SGSM1: variants seen among roughly 807,000 people sequenced by gnomAD.
SGSM1 encodes small G protein signaling modulator 1.
A neutral mutation model predicts 133.8 loss-of-function variants in SGSM1; 73 were observed. That is an observed-to-expected ratio of 0.55 (90% CI 0.45 to 0.66). The LOEUF is 0.66. Ranked by LOEUF, SGSM1 falls within the 30% of genes least tolerant of loss-of-function variation. The pLI is 0.00. For synonymous variants in SGSM1, 563 were observed against 573.0 expected, an observed-to-expected ratio of 0.98 and a Z score of 0.25; for missense variants, 1,213 against 1,448.1, an observed-to-expected ratio of 0.84 and a Z score of 2.64.
chr22:24,892,304 CCT>C (rs1932828375), intron 16 of SGSM1, among the ~76,000 whole-genome samples: 1 of 152,044 alleles, frequency 6.6e-6, no homozygotes, highest in East Asian at 1.9e-4. Flanking sequence ...GGCTCCCCAC[CCT>C]CTCTTTTCCC....
At chr22:24,837,889 T>A (rs1929558643) in intron 2 of SGSM1, among the ~76,000 whole-genome samples, 1 of 152,252 alleles carries the variant, frequency 6.6e-6, no homozygotes, top group African/African-American at 2.4e-5. Context: ...TAATGATTAA[T>A]GATATTCATA....
intron 22 of SGSM1, among the ~76,000 whole-genome samples, chr22:24,917,442 G>A (rs1413039680): frequency 6.6e-6 from 1 of 152,156 alleles, no homozygotes; most frequent in Non-Finnish European, 1.5e-5. Context: ...TTTTCCTAAG[G>A]ATTAAGGATG....
At chr22:24,841,097 G>T (rs374743896) in intron 2 of SGSM1, among the ~76,000 whole-genome samples, 179 of 152,242 alleles carry the variant, frequency 1.2e-3, no homozygotes, top group African/African-American at 3.9e-3. Context: ...TGATCCGCCC[G>T]CCTTGGCCTC....
rs562511731 is a variant in SGSM1, at chr22:24,852,415, C to T, written c.455+1983C>T. Among the ~76,000 whole-genome samples the T allele has an allele frequency of 2.2e-4, 33 of 152,198 alleles. No homozygotes were observed. The South Asian group carries it at 2.7e-3, about 12-fold the overall frequency. On this transcript the variant is annotated intron_variant, in intron 5 of 24. Coordinates refer to ENST00000400358, the MANE Select transcript of SGSM1 (RefSeq NM_001098497.3). The stretch of plus-strand genomic sequence containing the variant: ...CTTCAGCTACTTCTTACAGTCACAC[C>T]TCGGTTCCAACTCTACCTGCTAATT...
chr22:24,835,989 CTT>C (rs1929404851), intron 2 of SGSM1, among the ~76,000 whole-genome samples: 1 of 152,032 alleles, frequency 6.6e-6, no homozygotes, highest in South Asian at 2.1e-4. Context: ...TAAAATGTGC[CTT>C]CTTAACCATT....
intron 14 of SGSM1, 114 bp downstream of exon 14, chr22:24,879,640 T>G: frequency 5.2e-6 from 5 of 952,500 alleles, no homozygotes; most frequent in South Asian, 1.6e-5. Flanking sequence ...TCCTCCTCTA[T>G]TCCCTAGATG....
At position 24,917,308 on chromosome 22, in the gene SGSM1, A is replaced by G. The variant is rs555588406; in HGVS notation, c.2929-350A>G. Among the ~76,000 whole-genome samples, 4 of 152,284 alleles carry G rather than the reference A, an allele frequency of 2.6e-5. No individual in the cohort carries two copies. The East Asian group carries it at 7.7e-4, about 29-fold the overall frequency. ...ACAGCACACACCATTTTACATTCTC[A>G]GGAGCAGTGTATGGGGGTTCCAGTT... is the stretch of plus-strand genomic sequence containing the variant. On this transcript the variant is annotated intron_variant, in intron 22 of 24. Coordinates refer to ENST00000400358, the MANE Select transcript of SGSM1 (RefSeq NM_001098497.3).
intron 19 of SGSM1, among the ~76,000 whole-genome samples, chr22:24,900,944 CT>C (rs1237242770): frequency 5.3e-5 from 8 of 152,174 alleles, no homozygotes; most frequent in African/African-American, 1.9e-4. Flanking sequence ...TCTTCTGCTT[CT>C]TTCTAGTGCC....
Position 24,886,743 on chromosome 22 carries a change from A to G in SGSM1, c.1770+15A>G, listed in dbSNP as rs1332946482. On this transcript the variant is annotated intron_variant, in intron 16 of 24. Coordinates refer to ENST00000400358, the MANE Select transcript of SGSM1 (RefSeq NM_001098497.3). ...AAAGGAAAGAGGTCGGTTACCTGCCATGGGCACTGGGATCTTTGGCAACAA... is the reference window on the plus strand; with the variant it reads ...AAAGGAAAGAGGTCGGTTACCTGCCGTGGGCACTGGGATCTTTGGCAACAA... 2 of 1,576,836 alleles carry G rather than the reference A, an allele frequency of 1.3e-6. No homozygotes were observed. The highest frequency in any genetic ancestry group is 1.7e-6 in the Non-Finnish European group (2 of 1,160,290).
At chr22:24,859,963 G>A in intron 9 of SGSM1, 123 bp downstream of exon 9, 2 of 1,390,712 alleles carry the variant, frequency 1.4e-6, no homozygotes, top group Non-Finnish European at 2.0e-6. Context: ...CCTCTGCCTG[G>A]TTGTTAGGAC....
rs1353087510 is a variant in SGSM1, at chr22:24,846,212, A to G, written c.139+1240A>G. Reference sequence around the variant, plus strand: ...TGCCACCATACCTGGCTAATTTTAAATTTTTCTGTAAAGATGGAGTCTTGC... The same window carrying G: ...TGCCACCATACCTGGCTAATTTTAAGTTTTTCTGTAAAGATGGAGTCTTGC... On this transcript the variant is annotated intron_variant, in intron 3 of 24. Coordinates refer to ENST00000400358, the MANE Select transcript of SGSM1 (RefSeq NM_001098497.3). Among the ~76,000 whole-genome samples the G allele has an allele frequency of 1.5e-4, 23 of 148,872 alleles. 1 individual carries two copies. The highest frequency in any genetic ancestry group is 1.4e-3 in the Admixed American group (21 of 14,946).
chr22:24,891,164 G>A (rs776841036), intron 16 of SGSM1, among the ~76,000 whole-genome samples: 20 of 152,150 alleles, frequency 1.3e-4, no homozygotes, highest in Non-Finnish European at 2.5e-4. Context: ...TTCAAGACCA[G>A]CCTGAGCAAC....
intron 2 of SGSM1, among the ~76,000 whole-genome samples, chr22:24,816,280 C>T (rs1928068848): frequency 6.6e-6 from 1 of 152,158 alleles, no homozygotes; most frequent in African/African-American, 2.4e-5. Context: ...TGAGAAACAG[C>T]AGAGCAGGGT....
At chr22:24,886,504 G>A in intron 15 of SGSM1, 96 bp from the exon 16 acceptor site, 1 of 1,461,720 alleles carries the variant, frequency 6.8e-7, no homozygotes, top group Non-Finnish European at 9.2e-7. Flanking sequence ...AGGAGTTCAA[G>A]ACCAATCTGG....
At chr22:24,857,370 T>C (rs1009602571) in intron 8 of SGSM1, among the ~76,000 whole-genome samples, 3 of 142,284 alleles carry the variant, frequency 2.1e-5, no homozygotes, top group African/African-American at 8.0e-5. Context: ...CTCGCACCAC[T>C]GCACTCCAGC....
chr22:24,912,529 G>C (rs1933664582), intron 21 of SGSM1, 114 bp from the exon 22 acceptor site: 1 of 678,252 alleles, frequency 1.5e-6, no homozygotes, highest in Admixed American at 2.8e-5. Flanking sequence ...ATACAAAAAA[G>C]GTCCACCCCC....
intron 9 of SGSM1, among the ~76,000 whole-genome samples, chr22:24,861,905 A>G (rs191052936): frequency 8.0e-4 from 120 of 150,594 alleles, no homozygotes; most frequent in African/African-American, 2.8e-3. Context: ...TCTGGCTTCA[A>G]GTGAGTCTCC....
Position 24,806,311 on chromosome 22 carries a change from G to A in SGSM1, c.-15G>A. ...GCCACCGCCTCCTGGGACTCGGAAC[G>A]CAGCGCTCGGAGCCATGGCCTCGGC... On this transcript the variant is annotated 5_prime_UTR_variant, in exon 1 of 25. Coordinates refer to ENST00000400358, the MANE Select transcript of SGSM1 (RefSeq NM_001098497.3). The A allele has an allele frequency of 2.1e-6, 3 of 1,443,858 alleles. No individual in the cohort carries two copies. Among genetic ancestry groups the A allele is most frequent in the South Asian group, 1.4e-5 (1 of 70,284 alleles). The allele number at this position is 1,443,858 out of a possible 1,614,324, so 89.4% of individuals were successfully genotyped here.
At chr22:24,821,326 C>T (rs755440900) in intron 2 of SGSM1, among the ~76,000 whole-genome samples, 14 of 152,192 alleles carry the variant, frequency 9.2e-5, no homozygotes, top group Non-Finnish European at 2.1e-4. Flanking sequence ...CGTGAGCCAT[C>T]GCGCCCAGCC....
Sources: gnomAD v4.1 joint callset for allele counts (sites outside exome capture counted in the v4.1 genomes callset) on GRCh38, gnomAD v4.1.1 for gene constraint, MANE v1.5 for transcripts, NCBI Gene and HGNC (gene_info 2026-07-23, HGNC 2026-07-21) for gene names.